The following PAQR5 variants were observed in gnomAD, a reference collection of about 807,000 sequenced individuals.
PAQR5 encodes membrane progestin receptor gamma.
In PAQR5, 20 loss-of-function variants were observed where a neutral mutation model predicts 34.5. That is an observed-to-expected ratio of 0.58 (90% confidence interval 0.41 to 0.84). The LOEUF (loss-of-function observed/expected upper bound fraction) is 0.84. Ranked by LOEUF, PAQR5 falls within the 40% of genes least tolerant of loss-of-function variation. PAQR5 has a pLI of 0.00. For synonymous variants in PAQR5, 131 were observed against 155.6 expected (o/e 0.84, Z 1.18); for missense variants, 378 against 412.7 (o/e 0.92, Z 0.73).
intron 2 of PAQR5, among the ~76,000 whole-genome samples, chr15:69,349,496 A>C (rs1291900080): frequency 6.6e-6 from 1 of 152,172 alleles, no homozygotes; most frequent in Admixed American, 6.5e-5. Context: ...CTGTGGGCAC[A>C]CTAAACAGAG....
Position 69,405,099 on chromosome 15 carries a change from A to C in PAQR5, c.*1277A>C, listed in dbSNP as rs1439937794. The C allele has an allele frequency of 1.8e-5, 7 of 398,204 alleles. No homozygotes were observed. Among genetic ancestry groups the C allele is most frequent in the Non-Finnish European group, 2.7e-5 (6 of 225,890 alleles). 24.7% of individuals were successfully genotyped at this position (398,204 alleles called of 1,614,324 possible). The stretch of plus-strand genomic sequence containing the variant: ...TACTCTGAATAGTTCTAAAACACTG[A>C]GCATTTTCTCATTTGTTGCATTACT... On this transcript the variant is annotated 3_prime_UTR_variant, in exon 9 of 9. Coordinates refer to ENST00000395407, the MANE Select transcript of PAQR5 (RefSeq NM_017705.4).
At chr15:69,316,272 G>T (rs2053946061) in intron 1 of PAQR5, among the ~76,000 whole-genome samples, 1 of 152,074 alleles carries the variant, frequency 6.6e-6, no homozygotes, top group African/African-American at 2.4e-5. Context: ...GTAGAGCCGG[G>T]GTTTTGCCAT....
At position 69,298,990 on chromosome 15, in the gene PAQR5, G is replaced by A. The variant is rs1158242176; in HGVS notation, c.-343G>A. ...TCGCCGCAGCCCGGGAGGAGTGTCT[G>A]GTCTCCGGCCTGCCTGTGCTGTCCC... On this transcript the variant is annotated 5_prime_UTR_variant, in exon 1 of 9. Transcript: ENST00000395407. 1 of 152,022 alleles carries A rather than the reference G, an allele frequency of 6.6e-6. No homozygotes were observed. Among genetic ancestry groups the A allele is most frequent in the Non-Finnish European group, 1.5e-5 (1 of 68,018 alleles). 9.4% of individuals were successfully genotyped at this position (152,022 alleles called of 1,614,324 possible). A position where few individuals can be genotyped will look rare whatever the true frequency, so the allele number is the denominator to read the frequency against.
intron 5 of PAQR5, among the ~76,000 whole-genome samples, chr15:69,386,515 G>C (rs1295499778): frequency 2.6e-5 from 4 of 151,886 alleles, no homozygotes; most frequent in African/African-American, 9.7e-5. Flanking sequence ...ATTGATGCAG[G>C]GGTCCTTCAG....
intron 1 of PAQR5, among the ~76,000 whole-genome samples, chr15:69,319,490 C>A (rs992987938): frequency 1.3e-5 from 2 of 151,708 alleles, no homozygotes; most frequent in African/African-American, 4.8e-5. Context: ...ACCACTGGAG[C>A]CTGATAACAG....
At chr15:69,303,033 T>G (rs1266323175) in intron 1 of PAQR5, among the ~76,000 whole-genome samples, 1 of 152,208 alleles carries the variant, frequency 6.6e-6, no homozygotes, top group Non-Finnish European at 1.5e-5. Context: ...CCTGTTAGAA[T>G]AGCAGCTCTG....
intron 2 of PAQR5, among the ~76,000 whole-genome samples, chr15:69,346,775 C>CCTG (rs1349006751): frequency 1.3e-5 from 2 of 150,962 alleles, no homozygotes; most frequent in African/African-American, 4.9e-5. Flanking sequence ...GCATGCACCA[C>CCTG]CACACCTGGC....
chr15:69,371,091 G>A (rs1351548271), intron 3 of PAQR5, among the ~76,000 whole-genome samples: 1 of 151,902 alleles, frequency 6.6e-6, no homozygotes, highest in African/African-American at 2.4e-5. Context: ...TATAATTTGT[G>A]GTCTATTGAC....
Position 69,344,693 on chromosome 15 carries a change from T to C in PAQR5, c.-116+7192T>C, listed in dbSNP as rs151267953. ...TTAAAAAGTATAGATTTCAAACAACTTTGTTGGCGGTAAGAGTATTTTTCA... is the reference window on the plus strand; with the variant it reads ...TTAAAAAGTATAGATTTCAAACAACCTTGTTGGCGGTAAGAGTATTTTTCA... On this transcript the variant is annotated intron_variant, in intron 2 of 8. Coordinates refer to ENST00000395407, the MANE Select transcript of PAQR5 (RefSeq NM_017705.4). Among the ~76,000 whole-genome samples, 123 of 152,334 alleles carry C rather than the reference T, an allele frequency of 8.1e-4. 1 individual carries two copies. Among genetic ancestry groups the C allele is most frequent in the Middle Eastern group, 3.4e-3 (1 of 294 alleles).
intron 1 of PAQR5, among the ~76,000 whole-genome samples, chr15:69,311,881 G>C (rs557684738): frequency 1.3e-5 from 2 of 152,222 alleles, no homozygotes; most frequent in East Asian, 3.9e-4. Flanking sequence ...TTAAAATCCT[G>C]CAGGTACAAT....
intron 1 of PAQR5, among the ~76,000 whole-genome samples, chr15:69,326,514 C>T (rs930751123): frequency 1.3e-5 from 2 of 150,870 alleles, no homozygotes; most frequent in African/African-American, 4.9e-5. Context: ...TGGCTCACTG[C>T]AATCTCTGCC....
intron 3 of PAQR5, among the ~76,000 whole-genome samples, chr15:69,374,020 T>C (rs1200333471): frequency 2.0e-5 from 3 of 152,176 alleles, no homozygotes; most frequent in Non-Finnish European, 4.4e-5. Flanking sequence ...TTAATTTTTA[T>C]CCGTCTTACA....
At chr15:69,352,100 G>T (rs556163320) in intron 2 of PAQR5, among the ~76,000 whole-genome samples, 1 of 152,324 alleles carries the variant, frequency 6.6e-6, no homozygotes, top group East Asian at 1.9e-4. Flanking sequence ...GGTGCTTGAT[G>T]TGTCAGTGGC....
intron 3 of PAQR5, among the ~76,000 whole-genome samples, chr15:69,364,066 T>A (rs1482820095): frequency 6.6e-6 from 1 of 152,144 alleles, no homozygotes; most frequent in Admixed American, 6.5e-5. Flanking sequence ...ATCTGTAAGA[T>A]GGAAGTGACT....
intron 1 of PAQR5, among the ~76,000 whole-genome samples, chr15:69,308,430 C>T (rs1023340579): frequency 1.3e-5 from 2 of 152,188 alleles, no homozygotes; most frequent in Non-Finnish European, 2.9e-5. Context: ...GGATTTCTCA[C>T]CTTGGCCCTG....
rs143899533 is a variant in PAQR5 at position 69,377,089 on chromosome 15, A to T, written c.52-2794A>T. Reference sequence around the variant, plus strand: ...CCCTTGTCACAAAGTCTCTTGGTTTATAGGATCTGCTAGTCTAATTCATAT... The same window carrying T: ...CCCTTGTCACAAAGTCTCTTGGTTTTTAGGATCTGCTAGTCTAATTCATAT... On this transcript the variant is annotated intron_variant, in intron 3 of 8. Coordinates refer to ENST00000395407, the MANE Select transcript of PAQR5 (RefSeq NM_017705.4). 6.2e-3 allele frequency among the ~76,000 whole-genome samples: 946 copies of T among 152,326 alleles called. 12 individuals are homozygous for T. The highest frequency in any genetic ancestry group is 0.022 in the African/African-American group (907 of 41,554).
Position 69,378,029 on chromosome 15 carries a change from G to A in PAQR5, c.52-1854G>A, listed in dbSNP as rs554560106. Among the ~76,000 whole-genome samples the A allele has an allele frequency of 6.0e-4, 91 of 152,038 alleles. 1 individual carries two copies. The highest frequency in any genetic ancestry group is 2.0e-3 in the African/African-American group (82 of 41,466). ...TGTAATCCCAGCACTTTGGGAGCCC[G>A]AGGTGGGTGGATCATTTAAGGTCAG... On this transcript the variant is annotated intron_variant, in intron 3 of 8. Transcript: ENST00000395407.
At chr15:69,335,829 A>T (rs1168170182) in intron 1 of PAQR5, among the ~76,000 whole-genome samples, 1 of 152,132 alleles carries the variant, frequency 6.6e-6, no homozygotes, top group Admixed American at 6.6e-5. Flanking sequence ...GAGTTCTAAA[A>T]AGTTTATAAA....
intron 2 of PAQR5, among the ~76,000 whole-genome samples, chr15:69,354,145 A>C (rs1010783519): frequency 2.0e-5 from 3 of 152,202 alleles, no homozygotes; most frequent in African/African-American, 7.2e-5. Context: ...TCAGGAATTA[A>C]GGTTTAGGCC....
Sources: allele counts gnomAD v4.1 joint callset (sites outside exome capture counted in the v4.1 genomes callset), GRCh38; gene constraint gnomAD v4.1.1; transcripts MANE v1.5; gene names NCBI Gene and HGNC (gene_info 2026-07-23, HGNC 2026-07-21).